PLXNB2: variants seen among roughly 807,000 people sequenced by gnomAD.
The protein encoded by PLXNB2 is plexin-B2.
PLXNB2 carries 85 observed loss-of-function variants against 202.6 expected under a neutral mutation model. That is an observed-to-expected ratio of 0.42 (90% CI 0.35 to 0.50). PLXNB2 has a LOEUF of 0.50. PLXNB2 is among the 20% of genes least tolerant of loss of function. The pLI is 0.02. For synonymous variants in PLXNB2, 1,239 were observed against 1,137.6 expected (o/e 1.09, Z -1.79); for missense variants, 2,063 against 2,586.2 (o/e 0.80, Z 4.39).
intron 2 of PLXNB2, 138 bp downstream of exon 2, chr22:50,294,581 G>C (rs1332814759): frequency 5.2e-6 from 1 of 193,038 alleles, no homozygotes; most frequent in Non-Finnish European, 9.5e-6. Context: ...GCCATGGGAA[G>C]GGTGGCAGAG....
At chr22:50,302,526 G>A (rs1251139578) in intron 1 of PLXNB2, among the ~76,000 whole-genome samples, 5 of 152,104 alleles carry the variant, frequency 3.3e-5, no homozygotes, top group Non-Finnish European at 5.9e-5. Context: ...GGAACTGGGG[G>A]ACCCTCCAGC....
chr22:50,276,210 C>A (rs544819115), intron 35 of PLXNB2, among the ~76,000 whole-genome samples: 1 of 121,686 alleles, frequency 8.2e-6, no homozygotes, highest in Non-Finnish European at 1.8e-5. Context: ...CCCACAGGGA[C>A]GGGTGCTGTG....
intron 7 of PLXNB2, 88 bp downstream of exon 7, chr22:50,287,579 C>A (rs2066550921): frequency 1.5e-6 from 2 of 1,315,356 alleles, no homozygotes; most frequent in African/African-American, 2.9e-5. Context: ...GAGCCCTCCC[C>A]TGCCTGTCCC....
intron 15 of PLXNB2, 33 bp downstream of exon 15, chr22:50,283,569 C>T: frequency 1.2e-6 from 2 of 1,609,462 alleles, no homozygotes; most frequent in South Asian, 2.2e-5. Context: ...ACTGACCCAG[C>T]TGACAGGGCC....
chr22:50,287,777 C>G lies in PLXNB2; in HGVS notation c.1498G>C (p.Glu500Gln), dbSNP rs777192973. 13 of 1,586,378 alleles carry G rather than the reference C, an allele frequency of 8.2e-6. No homozygotes were observed. The highest frequency in any genetic ancestry group is 1.1e-5 in the Non-Finnish European group (13 of 1,173,874). The change falls in exon 7 of 37, where the codon GAG becomes CAG. Residue 500 changes from glutamate to glutamine, a missense_variant. Around this residue, in one of 2 missense-constraint regions of PLXNB2, gnomAD observed 1,303 missense variants for 1,476.8 expected, o/e 0.88. Coordinates refer to ENST00000359337, the MANE Select transcript of PLXNB2 (RefSeq NM_012401.4). Reference protein sequence around the residue: ...VVEGRCTRKAECPRAEEASHW... With the variant: ...VVEGRCTRKAQCPRAEEASHW... ...CTGGCCTCCTCGGCCCGCGGACACT[C>G]GGCCTTCCGGGTGCATCTGCAGGCG...
intron 1 of PLXNB2, chr22:50,300,378 G>A: frequency 1.1e-6 from 1 of 952,036 alleles, no homozygotes; most frequent in Non-Finnish European, 1.3e-6. Context: ...TGGTGGCTCC[G>A]CCCGTGCCCC....
In PLXNB2 at chr22:50,283,376, T is replaced by C. The variant is rs1031279449; in HGVS notation, c.2640A>G (p.Lys880=). ...GGACATTGGGAGGCGAACGGCCCAG[T>C]TTCCCGAAGACGTCCACCTCGACAC... ...TGGVEVDVFG[K]LGRSPPNVQF... is the part of the protein sequence containing the mutation. The change falls in exon 16 of 37, where the codon AAA becomes AAG. Residue 880 remains lysine (K), a synonymous_variant. Transcript: ENST00000359337. 1.9e-6 allele frequency: 3 copies of C among 1,612,836 alleles called. No individual in the cohort carries two copies. The highest frequency in any genetic ancestry group is 1.3e-5 in the African/African-American group (1 of 74,790).
rs1569153452 is a variant in PLXNB2, at chr22:50,275,495, G to GGCTGGT, written c.*203_*208dup. ...TGCGGCCGGAGGGAGCTGGGGCTGG[G>GGCTGGT]GCTGGTGCTGGTGCGGTGCCCGGCG... On this transcript the variant is annotated 3_prime_UTR_variant, in exon 37 of 37. Coordinates refer to ENST00000359337, the MANE Select transcript of PLXNB2 (RefSeq NM_012401.4). 2 of 670,842 alleles carry GGCTGGT rather than the reference G, an allele frequency of 3.0e-6. No homozygotes were observed. Among genetic ancestry groups the GGCTGGT allele is most frequent in the African/African-American group, 1.8e-5 (1 of 56,608 alleles). 41.6% of individuals were successfully genotyped at this position (670,842 alleles called of 1,614,324 possible).
rs755001480 is a variant in PLXNB2, at chr22:50,282,198, G to C, written c.3103C>G (p.Leu1035Val). ...CCAGGACTGACCGTCATGGGCTGCA[G>C]GGATTCAGCCTCCCGCGGCGGCTGC... ...SWQPPREAES[L>V]QPMTVVGTDY... is the part of the protein sequence containing the mutation. The change falls in exon 19 of 37, where the codon CTG (leucine) becomes GTG (valine). Residue 1035 changes from leucine (L) to valine (V), a missense_variant. This residue lies in a region of PLXNB2 where 1,303 missense variants were observed against 1,476.8 expected (regional missense o/e 0.88). Transcript: ENST00000359337. The C allele has an allele frequency of 1.9e-5, 31 of 1,610,912 alleles. No individual in the cohort carries two copies. Among genetic ancestry groups the C allele is most frequent in the Non-Finnish European group, 1.1e-5 (13 of 1,179,370 alleles).
At chr22:50,306,989 C>T (rs1601791725) in intron 1 of PLXNB2, among the ~76,000 whole-genome samples, 1 of 152,074 alleles carries the variant, frequency 6.6e-6, no homozygotes, top group African/African-American at 2.4e-5. Flanking sequence ...GCAGGGCTCG[C>T]GCCCCCGCTT....
Position 50,283,403 on chromosome 22 carries a change from C to T in PLXNB2, c.2613G>A (p.Gly871=), listed in dbSNP as rs766649967. ...TCCCGAAGACGTCCACCTCGACACC[C>T]CCCGTGAAAGGCGTCTCCGCAGCCT... ...VIEAAETPFT[G]GVEVDVFGKL... Residue 871 remains glycine (G), a synonymous_variant, in exon 16 of 37, where the codon GGG becomes GGA. Transcript: ENST00000359337. The T allele has an allele frequency of 6.2e-7, 1 of 1,613,312 alleles. No homozygotes were observed. The highest frequency in any genetic ancestry group is 1.1e-5 in the South Asian group (1 of 91,080).
At position 50,290,288 on chromosome 22, in the gene PLXNB2, C is replaced by G; in HGVS notation, c.297G>C (p.Leu99=). 1 of 1,611,890 alleles carries G rather than the reference C, an allele frequency of 6.2e-7. No individual in the cohort carries two copies. Among genetic ancestry groups the G allele is most frequent in the Non-Finnish European group, 8.5e-7 (1 of 1,180,020 alleles). ...EAEMTDNVNQ[L]LLLDPPRKRL... ...GCTTCCTGGGAGGGTCGAGCAGCAG[C>G]AGCTGGTTGACATTGTCAGTCATCT... The change falls in exon 3 of 37, where the codon CTG becomes CTC. Residue 99 remains leucine (L), a synonymous_variant. Transcript: ENST00000359337.
chr22:50,286,898 G>C (rs1272044946), intron 8 of PLXNB2, among the ~76,000 whole-genome samples: 1 of 152,176 alleles, frequency 6.6e-6, no homozygotes, highest in African/African-American at 2.4e-5. Flanking sequence ...TACAGGCCTG[G>C]GGGGCGTGGC....
Position 50,283,552 on chromosome 22 carries a change from C to T in PLXNB2, c.2570+50G>A, listed in dbSNP as rs755637314. The T allele has an allele frequency of 1.1e-4, 177 of 1,598,228 alleles. 1 individual carries two copies. The highest frequency in any genetic ancestry group is 1.4e-4 in the Non-Finnish European group (163 of 1,172,020). ...CCCACCCAGTCACCCGGAACCCCAG[C>T]GTGGGTACTGACCCAGCTGACAGGG... On this transcript the variant is annotated intron_variant, in intron 15 of 36. Coordinates refer to ENST00000359337, the MANE Select transcript of PLXNB2 (RefSeq NM_012401.4).
Position 50,286,301 on chromosome 22 carries a change from AGG to A in PLXNB2, c.1763-16_1763-15del, listed in dbSNP as rs772006376. 2 of 1,595,714 alleles carry A rather than the reference AGG, an allele frequency of 1.3e-6. No individual in the cohort carries two copies. The highest frequency in any genetic ancestry group is 1.7e-6 in the Non-Finnish European group (2 of 1,164,722). ...CGGCCACGTGGTCTGCAGACAGCAG[AGG>A]GGGAGGTGTCAAGGTGGCGGCCGCA... On this transcript the variant is annotated splice_polypyrimidine_tract_variant and intron_variant, in intron 8 of 36. Transcript: ENST00000359337.
chr22:50,306,482 G>A (rs555119671), intron 1 of PLXNB2, among the ~76,000 whole-genome samples: 1 of 152,340 alleles, frequency 6.6e-6, no homozygotes, highest in East Asian at 1.9e-4. Context: ...GGGGCAGGCT[G>A]AGAGCCCCCA....
At position 50,285,982 on chromosome 22, in the gene PLXNB2, C is replaced by A; in HGVS notation, c.1986+8G>T. 1 of 1,610,574 alleles carries A rather than the reference C, an allele frequency of 6.2e-7. No individual in the cohort carries two copies. The highest frequency in any genetic ancestry group is 8.5e-7 in the Non-Finnish European group (1 of 1,178,194). On this transcript the variant is annotated splice_region_variant and intron_variant, in intron 10 of 36. Coordinates refer to ENST00000359337, the MANE Select transcript of PLXNB2 (RefSeq NM_012401.4). ...TGAACAGTCCCCTGAGGCCCCGAGG[C>A]CCCTCACCATGTGGGCACGGACGAT...
At chr22:50,307,053 G>A (rs1040387581) in intron 1 of PLXNB2, among the ~76,000 whole-genome samples, 1 of 152,204 alleles carries the variant, frequency 6.6e-6, no homozygotes, top group African/African-American at 2.4e-5. Context: ...TGGGAACCGC[G>A]AGGAGGCCCA....
At chr22:50,282,371 G>A (rs991435519) in intron 18 of PLXNB2, 58 bp from the exon 19 acceptor site, 31 of 1,528,054 alleles carry the variant, frequency 2.0e-5, no homozygotes, top group Admixed American at 1.5e-4. Flanking sequence ...TGCAGCCTCC[G>A]CCCTCCCGTC....
Sources: allele counts gnomAD v4.1 joint callset (sites outside exome capture counted in the v4.1 genomes callset), GRCh38; gene constraint gnomAD v4.1.1; regional missense constraint gnomAD v4.1.1; transcripts MANE v1.5; gene names NCBI Gene and HGNC (gene_info 2026-07-23, HGNC 2026-07-21).